CABP1: variants seen among roughly 807,000 people sequenced by gnomAD.
CABP1 encodes the protein calcium-binding protein 1.
Under a neutral mutation model 34.3 loss-of-function variants are expected in CABP1, and 17 were observed. The ratio of observed to expected loss-of-function variants is 0.50; its 90% confidence interval spans 0.34 to 0.74. CABP1 has a LOEUF of 0.74. Ranked by LOEUF, CABP1 falls within the 30% of genes least tolerant of loss-of-function variation. The pLI is 0.01. For missense variants in CABP1, 373 were observed against 511.1 expected (o/e 0.73, Z 2.61); for synonymous variants, 198 against 229.2 (o/e 0.86, Z 1.23).
chr12:120,654,833 G>A (rs538617550), intron 1 of CABP1, among the ~76,000 whole-genome samples: 49 of 152,334 alleles, frequency 3.2e-4, no homozygotes, highest in Admixed American at 4.6e-4. Context: ...TTTTATAGCC[G>A]CATGGGAACC....
Position 120,660,372 on chromosome 12 carries a change from C to A in CABP1, c.829+33C>A. 6.2e-7 allele frequency: 1 copy of A among 1,602,302 alleles called. No homozygotes were observed. The highest frequency in any genetic ancestry group is 8.5e-7 in the Non-Finnish European group (1 of 1,175,682). ...CCTCTACCAGGCATCTGCGTCCCTT[C>A]GGTCCTCACCCTTGCCGTCCTCTGC... is the stretch of plus-strand genomic sequence containing the variant. On this transcript the variant is annotated intron_variant, in intron 3 of 5. Transcript: ENST00000316803. The surrounding 1 kb of genome is among the most constrained non-coding windows in gnomAD (Gnocchi z 5.0).
At chr12:120,663,178 A>G (rs572857440) in intron 5 of CABP1, among the ~76,000 whole-genome samples, 1 of 152,328 alleles carries the variant, frequency 6.6e-6, no homozygotes, top group Admixed American at 6.5e-5. Flanking sequence ...TTGTCTTCCC[A>G]GTTGACTCTG....
chr12:120,668,406 G>T (rs1163740811), downstream of CABP1, among the ~76,000 whole-genome samples: 1 of 152,152 alleles, frequency 6.6e-6, no homozygotes, highest in African/African-American at 2.4e-5. Context: ...AACCCAGGAG[G>T]TGGAGGCTGC....
intron 1 of CABP1, among the ~76,000 whole-genome samples, chr12:120,657,971 C>A (rs1880348171): frequency 6.6e-6 from 1 of 152,162 alleles, no homozygotes; most frequent in Non-Finnish European, 1.5e-5. Flanking sequence ...CTTTCACAGA[C>A]TGCTGGTATG....
chr12:120,674,696 T>C, the CABP1 span, among the ~76,000 whole-genome samples: 173 of 152,238 alleles, frequency 1.1e-3, 4 homozygotes, highest in East Asian at 0.03. Context: ...CAGACCAGCC[T>C]GGCCAACATG....
chr12:120,661,407 A>C lies in CABP1; in HGVS notation c.1087+189A>C. The stretch of plus-strand genomic sequence containing the variant: ...CCATCCCTTCCCCATGCATCTATTC[A>C]TGCATCTGTCCATCCATCTATCCAT... On this transcript the variant is annotated intron_variant, in intron 5 of 5. Coordinates refer to ENST00000316803, the MANE Select transcript of CABP1 (RefSeq NM_001033677.2). This position sits in a 1 kb window ranked among gnomAD's most constrained non-coding sequence, Gnocchi z 5.1. The C allele has an allele frequency of 1.7e-6, 1 of 595,480 alleles. No homozygotes were observed. The highest frequency in any genetic ancestry group is 2.9e-6 in the Non-Finnish European group (1 of 342,068). 36.9% of individuals were successfully genotyped at this position (595,480 alleles called of 1,614,324 possible).
At chr12:120,655,739 A>G in intron 1 of CABP1, 1 of 1,459,450 alleles carries the variant, frequency 6.9e-7, no homozygotes, top group Non-Finnish European at 9.0e-7. Flanking sequence ...AACACTTCCC[A>G]TTGGTGAGAA....
intron 1 of CABP1, among the ~76,000 whole-genome samples, chr12:120,643,557 A>T (rs1352364199): frequency 2.0e-5 from 3 of 152,334 alleles, no homozygotes; most frequent in South Asian, 2.1e-4. Flanking sequence ...TTTTTAACTT[A>T]AGTGAATTGC....
chr12:120,675,066 T>C, the CABP1 span, among the ~76,000 whole-genome samples: 1 of 151,942 alleles, frequency 6.6e-6, no homozygotes. Context: ...AGTTTTTTGT[T>C]TTTTGAGGCA....
chr12:120,679,509 C>T, the CABP1 span, among the ~76,000 whole-genome samples: 1 of 152,164 alleles, frequency 6.6e-6, no homozygotes, highest in Non-Finnish European at 1.5e-5. Context: ...GTTTATATGC[C>T]TTATATCAGT....
chr12:120,680,037 T>G, the CABP1 span, among the ~76,000 whole-genome samples: 2 of 151,840 alleles, frequency 1.3e-5, no homozygotes, highest in Non-Finnish European at 2.9e-5. Context: ...CCAGATGTGG[T>G]GGCACATACC....
At chr12:120,650,813 C>A (rs1879797732) in intron 1 of CABP1, 2 of 914,266 alleles carry the variant, frequency 2.2e-6, no homozygotes, top group Non-Finnish European at 3.5e-6. Flanking sequence ...AGGGCTGCCT[C>A]CCTGCTTCTA....
chr12:120,641,463 C>G lies in CABP1; in HGVS notation c.654+124C>G, dbSNP rs1593152073. On this transcript the variant is annotated intron_variant, in intron 1 of 5. Coordinates refer to ENST00000316803, the MANE Select transcript of CABP1 (RefSeq NM_001033677.2). The surrounding 1 kb of genome is among the most constrained non-coding windows in gnomAD (Gnocchi z 6.7). The stretch of plus-strand genomic sequence containing the variant: ...CCCCACGGATCACGCCTCGGCTCAC[C>G]TCGTCCTCCCCGGGCCGGCGCCCTT... The G allele has an allele frequency of 7.4e-6, 8 of 1,074,302 alleles. No individual in the cohort carries two copies. The highest frequency in any genetic ancestry group is 9.5e-6 in the Non-Finnish European group (8 of 845,166). The allele number at this position is 1,074,302 out of a possible 1,614,324, so 66.5% of individuals were successfully genotyped here.
At chr12:120,644,496 C>T (rs972847395) in intron 1 of CABP1, among the ~76,000 whole-genome samples, 13 of 152,224 alleles carry the variant, frequency 8.5e-5, no homozygotes, top group African/African-American at 3.1e-4. Flanking sequence ...GAAATTAACT[C>T]GGCAGAGGCA....
intron 1 of CABP1, among the ~76,000 whole-genome samples, chr12:120,646,782 G>T (rs966426839): frequency 2.0e-5 from 3 of 152,140 alleles, no homozygotes; most frequent in Admixed American, 6.5e-5. Flanking sequence ...TGAAGTGCTG[G>T]GATTACAGGC....
chr12:120,647,349 T>G (rs1362365960), intron 1 of CABP1, among the ~76,000 whole-genome samples: 2 of 151,596 alleles, frequency 1.3e-5, no homozygotes, highest in Non-Finnish European at 2.9e-5. Flanking sequence ...GATCAACATG[T>G]CCTCTAGGCC....
chr12:120,656,239 C>A, intron 1 of CABP1: 2 of 1,582,104 alleles, frequency 1.3e-6, no homozygotes, highest in Non-Finnish European at 1.7e-6. Flanking sequence ...CCTGCATTTT[C>A]CTGCGCAAGG....
chr12:120,647,738 TTG>T (rs1340668699), intron 1 of CABP1, among the ~76,000 whole-genome samples: 1 of 113,560 alleles, frequency 8.8e-6, no homozygotes, highest in Non-Finnish European at 1.9e-5. Flanking sequence ...CAGCTAACTT[TTG>T]TATTTTTTTT....
At chr12:120,657,992 C>A (rs892444916) in intron 1 of CABP1, among the ~76,000 whole-genome samples, 1 of 151,528 alleles carries the variant, frequency 6.6e-6, no homozygotes. Context: ...ACCCATTGCA[C>A]AAAACATCCT....
Sources: allele counts gnomAD v4.1 joint callset (sites outside exome capture counted in the v4.1 genomes callset), GRCh38; gene constraint gnomAD v4.1.1; non-coding constraint Gnocchi (gnomAD v3.1); transcripts MANE v1.5; gene names NCBI Gene and HGNC (gene_info 2026-07-23, HGNC 2026-07-21).